IFI44L: variants seen among roughly 807,000 people sequenced by gnomAD.
IFI44L encodes the protein interferon induced protein 44 like.
Under a neutral mutation model 39.3 loss-of-function variants are expected in IFI44L, and 40 were observed. The observed-to-expected ratio is 1.02, with a 90% CI of 0.79 to 1.33. The LOEUF (loss-of-function observed/expected upper bound fraction) is 1.33, where lower values mean the gene tolerates loss of function less well. Ranked by LOEUF, IFI44L falls within the 40% of genes most tolerant of loss-of-function variation. The pLI, the probability that IFI44L is intolerant of heterozygous loss-of-function variation, is 0.00. For synonymous variants in IFI44L, 198 were observed against 182.3 expected (o/e 1.09, Z -0.69); for missense variants, 623 against 549.0 (o/e 1.13, Z -1.35).
rs1245792652 is a variant in IFI44L, at chr1:78,641,457, T to C, written c.1172T>C (p.Leu391Pro). Reference sequence around the variant, plus strand: ...CAGGTCATGAATGTCCATAAAATGCTAGGCATTCCTATTTCCAATATTTTG... The same window carrying C: ...CAGGTCATGAATGTCCATAAAATGCCAGGCATTCCTATTTCCAATATTTTG... ...QSRVMNVHKM[L>P]GIPISNILMV... Residue 391 changes from leucine to proline, a missense_variant, in exon 8 of 9, where the codon CTA becomes CCA. By Grantham distance (98) the Leu-to-Pro change is moderately conservative. Transcript: ENST00000370751. The C allele has an allele frequency of 6.2e-7, 1 of 1,613,560 alleles. No homozygotes were observed. Among genetic ancestry groups the C allele is most frequent in the Non-Finnish European group, 8.5e-7 (1 of 1,179,598 alleles).
intron 4 of IFI44L, among the ~76,000 whole-genome samples, chr1:78,634,117 A>C (rs912047184): frequency 5.3e-5 from 8 of 152,062 alleles, no homozygotes; most frequent in Non-Finnish European, 1.2e-4. Flanking sequence ...TACAAGGGGG[A>C]AAGGAGACAA....
chr1:78,625,950 A>C (rs1652468995), intron 1 of IFI44L: 2 of 151,914 alleles, frequency 1.3e-5, no homozygotes, highest in Admixed American at 1.3e-4. Flanking sequence ...TCTTGTTAAA[A>C]AAATTCTGGC....
chr1:78,628,021 A>G lies in IFI44L; in HGVS notation c.106A>G (p.Ser36Gly). The change falls in exon 2 of 9, where the codon AGC (serine) becomes GGC (glycine). Residue 36 changes from serine (S) to glycine (G), a missense_variant. Coordinates refer to ENST00000370751, the MANE Select transcript of IFI44L (RefSeq NM_006820.4). ...CTATAAGTCTAGTGTTCATGGAGGTAGCATTGAAGATATGGTTGAAAGATG... is the reference window on the plus strand; with the variant it reads ...CTATAAGTCTAGTGTTCATGGAGGTGGCATTGAAGATATGGTTGAAAGATG... ...LLYKSSVHGG[S>G]IEDMVERCSR... 1.2e-6 allele frequency: 2 copies of G among 1,613,188 alleles called. No individual in the cohort carries two copies. The highest frequency in any genetic ancestry group is 2.7e-5 in the African/African-American group (2 of 75,020).
In IFI44L at chr1:78,629,765, T is replaced by C; in HGVS notation, c.573T>C (p.Tyr191=). 7 of 1,613,798 alleles carry C rather than the reference T, an allele frequency of 4.3e-6. No homozygotes were observed. Among genetic ancestry groups the C allele is most frequent in the Non-Finnish European group, 5.9e-6 (7 of 1,179,792 alleles). Residue 191 remains tyrosine (Y), a synonymous_variant, in exon 4 of 9, where the codon TAT becomes TAC. Coordinates refer to ENST00000370751, the MANE Select transcript of IFI44L (RefSeq NM_006820.4). ...CAGACATCAGAGACTATAGGCCCTATGCAGACTTGGTTTCAGAAATTCGTA... is the reference window on the plus strand; with the variant it reads ...CAGACATCAGAGACTATAGGCCCTACGCAGACTTGGTTTCAGAAATTCGTA... The part of the protein sequence containing the change: ...LLADIRDYRP[Y]ADLVSEIRIL...
intron 1 of IFI44L, 37 bp from the exon 2 acceptor site, chr1:78,627,869 A>G (rs748274778): frequency 8.2e-7 from 1 of 1,224,886 alleles, no homozygotes. Flanking sequence ...CTACTATATT[A>G]TATAAGCTTC....
intron 1 of IFI44L, among the ~76,000 whole-genome samples, chr1:78,624,891 A>T (rs1266892085): frequency 6.6e-6 from 1 of 152,148 alleles, no homozygotes; most frequent in Admixed American, 6.6e-5. Flanking sequence ...GGATAAGGAC[A>T]CACACCCCTT....
At position 78,643,532 on chromosome 1, in the gene IFI44L, G is replaced by A. The variant is rs1461197391; in HGVS notation, c.*1723G>A. The A allele has an allele frequency of 6.6e-6, 1 of 152,050 alleles. No individual in the cohort carries two copies. Among genetic ancestry groups the A allele is most frequent in the African/African-American group, 2.4e-5 (1 of 41,408 alleles). 9.4% of individuals were successfully genotyped at this position (152,050 alleles called of 1,614,324 possible). ...TAAGTTTAGGATTTTTAAGAGAAAG[G>A]CAGGTAAGGTGCTGAAGGTCTGGAG... On this transcript the variant is annotated 3_prime_UTR_variant, in exon 9 of 9. Coordinates refer to ENST00000370751, the MANE Select transcript of IFI44L (RefSeq NM_006820.4).
Position 78,646,064 on chromosome 1 carries a change from T to A in IFI44L, c.*4255T>A, listed in dbSNP as rs1188237416. 3 of 152,218 alleles carry A rather than the reference T, an allele frequency of 2.0e-5. No individual in the cohort carries two copies. The highest frequency in any genetic ancestry group is 4.4e-5 in the Non-Finnish European group (3 of 68,032). The allele number at this position is 152,218 out of a possible 1,614,324, so 9.4% of individuals were successfully genotyped here. A position where few individuals can be genotyped will look rare whatever the true frequency, so the allele number is the denominator to read the frequency against. On this transcript the variant is annotated 3_prime_UTR_variant, in exon 9 of 9. Coordinates refer to ENST00000370751, the MANE Select transcript of IFI44L (RefSeq NM_006820.4). ...ATTACGTGTAAATATATTTTTTCAT[T>A]TTTAAAAATTGATTTCTTTTGCACA...
chr1:78,627,943 A>T lies in IFI44L; in HGVS notation c.28A>T (p.Asn10Tyr). The T allele has an allele frequency of 6.2e-7, 1 of 1,604,120 alleles. No individual in the cohort carries two copies. The highest frequency in any genetic ancestry group is 1.1e-5 in the South Asian group (1 of 89,096). Residue 10 changes from asparagine (N) to tyrosine (Y), a missense_variant, in exon 2 of 9, where the codon AAT (asparagine) becomes TAT (tyrosine). By Grantham distance (143) the Asn-to-Tyr change is moderately radical. Transcript: ENST00000370751. Reference protein sequence around the residue: MEVTTRLTWNDENHLRKLLG... With the variant: MEVTTRLTWYDENHLRKLLG... ...GGAAGTGACAACAAGATTGACATGG[A>T]ATGATGAAAATCATCTGCGCAAGCT...
In IFI44L at chr1:78,637,182, C is replaced by A. The variant is rs749932181; in HGVS notation, c.1027C>A (p.His343Asn). 6.2e-7 allele frequency: 1 copy of A among 1,607,040 alleles called. No individual in the cohort carries two copies. The highest frequency in any genetic ancestry group is 2.2e-5 in the East Asian group (1 of 44,548). Residue 343 changes from histidine to asparagine, a missense_variant, in exon 6 of 9, where the codon CAC becomes AAC. His to Asn is a moderately conservative substitution (Grantham distance 68, BLOSUM62 1). Coordinates refer to ENST00000370751, the MANE Select transcript of IFI44L (RefSeq NM_006820.4). ...AATGTTGGCAAAAGTGAAGCAAGTT[C>A]ACAAAGAAGTATTAAACTGTGGTGA... ...SKMLAKVKQV[H>N]KEVLNCGIAY...
intron 1 of IFI44L, among the ~76,000 whole-genome samples, chr1:78,623,266 T>C (rs772269163): frequency 3.3e-5 from 5 of 152,166 alleles, no homozygotes; most frequent in Non-Finnish European, 7.4e-5. Flanking sequence ...GATAATCTTG[T>C]CTTGTACTTT....
intron 1 of IFI44L, chr1:78,620,903 A>G (rs1245343572): frequency 6.6e-6 from 1 of 152,210 alleles, no homozygotes; most frequent in African/African-American, 2.4e-5. Context: ...GGTAACCACC[A>G]TGCTACTCTC....
At chr1:78,621,279 T>C (rs1652264193) in intron 1 of IFI44L, among the ~76,000 whole-genome samples, 1 of 152,180 alleles carries the variant, frequency 6.6e-6, no homozygotes, top group South Asian at 2.1e-4. Flanking sequence ...TACTATATAT[T>C]GTTTTCTTAT....
intron 1 of IFI44L, among the ~76,000 whole-genome samples, chr1:78,623,405 T>G (rs866288640): frequency 0.046 from 2,229 of 48,746 alleles, 44 homozygotes; most frequent in African/African-American, 0.076. Flanking sequence ...TGTTTTTTTT[T>G]TTTTTTTTTT....
In IFI44L at chr1:78,628,394, G is replaced by T. The variant is rs201991841; in HGVS notation, c.478+1G>T. ...GAATGTGAAGTTTTTCGAGTTGAAG[G>T]TTTGTAAAATTAGATAATCCTACAT... On this transcript the variant is annotated splice_donor_variant, in intron 2 of 8. Coordinates refer to ENST00000370751, the MANE Select transcript of IFI44L (RefSeq NM_006820.4). LOFTEE classifies it high-confidence loss of function. 1.3e-6 allele frequency: 2 copies of T among 1,505,650 alleles called. No homozygotes were observed. The highest frequency in any genetic ancestry group is 1.8e-6 in the Non-Finnish European group (2 of 1,108,678). The allele number at this position is 1,505,650 out of a possible 1,614,324, so 93.3% of individuals were successfully genotyped here.
Position 78,628,156 on chromosome 1 carries a change from G to A in IFI44L, c.241G>A (p.Asp81Asn). 6.2e-7 allele frequency: 1 copy of A among 1,612,144 alleles called. No homozygotes were observed. The highest frequency in any genetic ancestry group is 1.1e-5 in the South Asian group (1 of 90,898). ...ACATGAAAGTTCTACAGAGCCAAAT[G>A]ATTCCCTATGGTTTTCACTTCAAAA... ...NLHESSTEPNDSLWFSLQKKN... is the reference protein window; with the variant it reads ...NLHESSTEPNNSLWFSLQKKN... Residue 81 changes from aspartate to asparagine, a missense_variant, in exon 2 of 9, where the codon GAT becomes AAT. Physicochemically the swap from Asp to Asn is conservative, Grantham distance 23. Coordinates refer to ENST00000370751, the MANE Select transcript of IFI44L (RefSeq NM_006820.4).
intron 4 of IFI44L, among the ~76,000 whole-genome samples, chr1:78,630,780 T>A (rs1455518725): frequency 1.3e-5 from 2 of 152,150 alleles, no homozygotes; most frequent in Non-Finnish European, 2.9e-5. Context: ...CACATCTTAT[T>A]TGTTGATGTT....
rs1430263422 is a variant in IFI44L at position 78,643,109 on chromosome 1, A to G, written c.*1300A>G. The stretch of plus-strand genomic sequence containing the variant: ...ACAGTCTAATTTAGTTTTAATCAGA[A>G]TTATACTCATCTTTTGGGTAGTCAT... On this transcript the variant is annotated 3_prime_UTR_variant, in exon 9 of 9. Transcript: ENST00000370751. 7.4e-6 allele frequency: 1 copy of G among 134,312 alleles called. No individual in the cohort carries two copies. The highest frequency in any genetic ancestry group is 1.7e-5 in the Non-Finnish European group (1 of 58,924). 8.3% of individuals were successfully genotyped at this position (134,312 alleles called of 1,614,324 possible).
chr1:78,621,925 G>T (rs1050717283), intron 1 of IFI44L, among the ~76,000 whole-genome samples: 2 of 151,994 alleles, frequency 1.3e-5, no homozygotes, highest in Non-Finnish European at 2.9e-5. Context: ...TTATTTCCAT[G>T]TGCTGGGAAC....
Sources: allele counts gnomAD v4.1 joint callset (sites outside exome capture counted in the v4.1 genomes callset), GRCh38; gene constraint gnomAD v4.1.1; transcripts MANE v1.5; gene names NCBI Gene and HGNC (gene_info 2026-07-23, HGNC 2026-07-21).